The following TTC33 variants were observed in gnomAD, a reference collection of about 807,000 sequenced individuals.
The protein encoded by TTC33 is tetratricopeptide repeat protein 33.
In TTC33, 24 loss-of-function variants were observed where a neutral mutation model predicts 29.4. The observed-to-expected ratio is 0.82, with a 90% CI of 0.59 to 1.15. TTC33 has a LOEUF of 1.15. Among genes scored for constraint, TTC33 ranks in the 50% most tolerant of loss-of-function variants. TTC33 has a pLI of 0.00. For missense variants in TTC33, 286 were observed against 310.4 expected (o/e 0.92, Z 0.59); for synonymous variants, 107 against 100.3 (o/e 1.07, Z -0.40).
intron 2 of TTC33, among the ~76,000 whole-genome samples, chr5:40,735,379 C>A: frequency 6.6e-6 from 1 of 151,858 alleles, no homozygotes; most frequent in Non-Finnish European, 1.5e-5. Flanking sequence ...GAAGTGAAAA[C>A]AGAAAGAGGA....
At chr5:40,738,306 C>T (rs527993488) in intron 2 of TTC33, among the ~76,000 whole-genome samples, 2 of 151,446 alleles carry the variant, frequency 1.3e-5, no homozygotes, top group African/African-American at 2.4e-5. Context: ...CCCAGCTAGT[C>T]GGGAGTGCTG....
intron 2 of TTC33, among the ~76,000 whole-genome samples, chr5:40,733,149 G>C (rs1347961111): frequency 2.0e-5 from 3 of 152,148 alleles, no homozygotes; most frequent in Non-Finnish European, 2.9e-5. Context: ...AAGACTAGGG[G>C]AATGTGAATA....
At chr5:40,750,710 T>TCTGC (rs1348931888) in intron 1 of TTC33, among the ~76,000 whole-genome samples, 2 of 152,226 alleles carry the variant, frequency 1.3e-5, no homozygotes, top group African/African-American at 4.8e-5. Flanking sequence ...ACTGTCAAAC[T>TCTGC]CTGCCACTGC....
At chr5:40,735,549 C>T (rs1355517519) in intron 2 of TTC33, among the ~76,000 whole-genome samples, 1 of 151,966 alleles carries the variant, frequency 6.6e-6, no homozygotes, top group Non-Finnish European at 1.5e-5. Flanking sequence ...TAGGATCCCA[C>T]GCAATCAAGA....
chr5:40,747,062 C>A, intron 1 of TTC33, 43 bp from the exon 2 acceptor site: 1 of 1,258,438 alleles, frequency 7.9e-7, no homozygotes, highest in Non-Finnish European at 1.1e-6. Flanking sequence ...CTAACTTGAT[C>A]TTTTTTTTTT....
At chr5:40,722,859 T>TG (rs1480259889) in intron 4 of TTC33, among the ~76,000 whole-genome samples, 16 of 149,268 alleles carry the variant, frequency 1.1e-4, no homozygotes, top group African/African-American at 4.9e-5. Context: ...GTCCGGGAGG[T>TG]GGGGGGCGCC....
chr5:40,727,218 T>A lies in TTC33; in HGVS notation c.435+1127A>T, dbSNP rs377397884. On this transcript the variant is annotated intron_variant, in intron 4 of 4. Coordinates refer to ENST00000337702, the MANE Select transcript of TTC33 (RefSeq NM_012382.3). ...TAAGTTTATATTTTGAATTTATCAGTAATTTTAGTCTTGCAAGAAACTTTT... is the reference window on the plus strand; with the variant it reads ...TAAGTTTATATTTTGAATTTATCAGAAATTTTAGTCTTGCAAGAAACTTTT... 2.6e-5 allele frequency among the ~76,000 whole-genome samples: 4 copies of A among 152,372 alleles called. No homozygotes were observed. In the East Asian group the frequency reaches 5.8e-4, roughly 22 times the overall value.
chr5:40,742,302 A>G (rs1278787660), intron 2 of TTC33, among the ~76,000 whole-genome samples: 1 of 152,162 alleles, frequency 6.6e-6, no homozygotes, highest in Non-Finnish European at 1.5e-5. Flanking sequence ...AGGACACAGA[A>G]TAATTAGGAC....
intron 2 of TTC33, among the ~76,000 whole-genome samples, chr5:40,744,211 C>A (rs1349790596): frequency 6.6e-6 from 1 of 152,176 alleles, no homozygotes; most frequent in Non-Finnish European, 1.5e-5. Context: ...AGATAAAAAT[C>A]TTTATGCCTA....
At chr5:40,749,059 G>A (rs1742849909) in intron 1 of TTC33, among the ~76,000 whole-genome samples, 1 of 152,116 alleles carries the variant, frequency 6.6e-6, no homozygotes, top group Non-Finnish European at 1.5e-5. Flanking sequence ...CCGGGAGGCG[G>A]AGGTTGCAGT....
chr5:40,747,541 T>G (rs1049161138), intron 1 of TTC33, among the ~76,000 whole-genome samples: 3 of 152,168 alleles, frequency 2.0e-5, no homozygotes, highest in African/African-American at 7.2e-5. Flanking sequence ...ATGTCACTCA[T>G]GAAGTAAGTA....
chr5:40,722,759 C>A (rs1457832742), intron 4 of TTC33, among the ~76,000 whole-genome samples: 1 of 151,692 alleles, frequency 6.6e-6, no homozygotes, highest in African/African-American at 2.4e-5. Flanking sequence ...CGGCCAGACG[C>A]CCCGTCCCGG....
chr5:40,724,308 T>C (rs1005251204), intron 4 of TTC33, among the ~76,000 whole-genome samples: 33 of 152,240 alleles, frequency 2.2e-4, no homozygotes, highest in African/African-American at 7.9e-4. Context: ...TTATACGATA[T>C]CTCTAAAACA....
chr5:40,737,398 C>T (rs987316274), intron 2 of TTC33, among the ~76,000 whole-genome samples: 18 of 151,840 alleles, frequency 1.2e-4, no homozygotes, highest in African/African-American at 4.4e-4. Context: ...AACCAAGACC[C>T]GAAAATACAT....
Position 40,746,864 on chromosome 5 carries a change from A to T in TTC33, c.155T>A (p.Leu52His), listed in dbSNP as rs148261085. ...TTTACTTTTCTCAGCACAGCCTTCA[A>T]GAAGAATTTCTTTCCTACGTTTAAT... ...HAIKRRKEIL[L>H]EGCAEKSKQL... Residue 52 changes from leucine (L) to histidine (H), a missense_variant, in exon 2 of 5, where the codon CTT becomes CAT. By Grantham distance (99) the Leu-to-His change is moderately conservative. Transcript: ENST00000337702. 2 of 1,614,114 alleles carry T rather than the reference A, an allele frequency of 1.2e-6. No homozygotes were observed. The highest frequency in any genetic ancestry group is 1.7e-6 in the Non-Finnish European group (2 of 1,180,018).
Position 40,716,001 on chromosome 5 carries a change from C to T in TTC33, c.*144G>A, listed in dbSNP as rs547442534. The T allele has an allele frequency of 3.3e-6, 2 of 614,926 alleles. No homozygotes were observed. Among genetic ancestry groups the T allele is most frequent in the Non-Finnish European group, 5.5e-6 (2 of 360,404 alleles). The allele number at this position is 614,926 out of a possible 1,614,324, so 38.1% of individuals were successfully genotyped here. ...TTCCAAACACTATACAATAATCCTG[C>T]CATTTTAGTTTTTATATGCCTCATC... On this transcript the variant is annotated 3_prime_UTR_variant, in exon 5 of 5. Coordinates refer to ENST00000337702, the MANE Select transcript of TTC33 (RefSeq NM_012382.3).
chr5:40,716,555 C>T, intron 4 of TTC33, 57 bp from the exon 5 acceptor site: 2 of 1,156,422 alleles, frequency 1.7e-6, no homozygotes, highest in Non-Finnish European at 2.5e-6. Flanking sequence ...ATGTTTAATA[C>T]AATCCTGTGT....
intron 1 of TTC33, among the ~76,000 whole-genome samples, chr5:40,752,722 A>T (rs1361852269): frequency 1.3e-5 from 2 of 152,250 alleles, no homozygotes; most frequent in African/African-American, 4.8e-5. Flanking sequence ...AGATATAGTA[A>T]TAATTAAAAC....
intron 1 of TTC33, among the ~76,000 whole-genome samples, chr5:40,747,593 T>TG (rs1188077625): frequency 1.1e-4 from 16 of 152,176 alleles, no homozygotes; most frequent in Admixed American, 6.5e-4. Flanking sequence ...GGCCTCTACC[T>TG]ATAAGAAATA....
Sources: allele counts gnomAD v4.1 joint callset (sites outside exome capture counted in the v4.1 genomes callset), GRCh38; gene constraint gnomAD v4.1.1; transcripts MANE v1.5; gene names NCBI Gene and HGNC (gene_info 2026-07-23, HGNC 2026-07-21).